Variants in SYT1 observed in about 807,000 individuals in gnomAD.
SYT1 encodes synaptotagmin-1.
SYT1 carries 8 observed loss-of-function variants against 44.8 expected under a neutral mutation model. That is an observed-to-expected ratio of 0.18 (90% CI 0.10 to 0.32). The LOEUF (loss-of-function observed/expected upper bound fraction) is 0.32, where lower values mean the gene tolerates loss of function less well. SYT1 is among the 10% of genes least tolerant of loss of function. SYT1 has a pLI of 1.00. For synonymous variants in SYT1, 154 were observed against 188.8 expected (o/e 0.82, Z 1.51); for missense variants, 286 against 509.3 (o/e 0.56, Z 4.22).
At chr12:79,128,018 G>T (rs1486816268) in intron 3 of SYT1, among the ~76,000 whole-genome samples, 1 of 152,140 alleles carries the variant, frequency 6.6e-6, no homozygotes, top group Non-Finnish European at 1.5e-5. Flanking sequence ...TAGATGAGTG[G>T]ATAAGTAGGT....
At chr12:79,419,357 C>A (rs111558375) in intron 9 of SYT1, 5 of 470,568 alleles carry the variant, frequency 1.1e-5, no homozygotes. Flanking sequence ...TCTTCTCCTT[C>A]CACTGCACCC....
chr12:78,889,678 A>C (rs1237250496), intron 1 of SYT1, among the ~76,000 whole-genome samples: 4 of 147,590 alleles, frequency 2.7e-5, no homozygotes, highest in African/African-American at 5.1e-5. Context: ...AAAGAAAGAA[A>C]GGTTATTGAA....
chr12:79,142,713 T>C (rs1469469287), intron 3 of SYT1, among the ~76,000 whole-genome samples: 2 of 152,206 alleles, frequency 1.3e-5, no homozygotes, highest in Non-Finnish European at 2.9e-5. Context: ...CTCTCATTTG[T>C]CTTTTGAGCA....
At chr12:79,265,175 A>G (rs1758917756) in intron 4 of SYT1, among the ~76,000 whole-genome samples, 1 of 152,154 alleles carries the variant, frequency 6.6e-6, no homozygotes, top group Admixed American at 6.5e-5. Context: ...AGTACTTTAC[A>G]TATTATAAAT....
At chr12:79,121,081 A>G (rs1325964589) in intron 3 of SYT1, among the ~76,000 whole-genome samples, 2 of 152,046 alleles carry the variant, frequency 1.3e-5, no homozygotes, top group African/African-American at 4.8e-5. Flanking sequence ...TCACATACAT[A>G]TATGTAACCT....
Position 79,285,808 on chromosome 12 carries a change from C to T in SYT1, c.188C>T (p.Ala63Val). The stretch of plus-strand genomic sequence containing the variant: ...TCAGTGCCACCGTGGGCCTTAATTG[C>T]AATAGCCATAGTCGCAGTCCTTTTA... ...KIPLPPWALIAIAIVAVLLVL... is the reference protein window; with the variant it reads ...KIPLPPWALIVIAIVAVLLVL... Residue 63 changes from alanine (A) to valine (V), a missense_variant, in exon 5 of 11, where the codon GCA becomes GTA. Physicochemically the swap from Ala to Val is moderately conservative, Grantham distance 64. This residue lies in a region of SYT1 where 141 missense variants were observed against 165.7 expected (regional missense o/e 0.85). Transcript: ENST00000261205. The T allele has an allele frequency of 6.2e-7, 1 of 1,608,286 alleles. No homozygotes were observed.
At chr12:79,142,737 C>T (rs931785422) in intron 3 of SYT1, among the ~76,000 whole-genome samples, 3 of 152,180 alleles carry the variant, frequency 2.0e-5, no homozygotes, top group Non-Finnish European at 2.9e-5. Flanking sequence ...AATAAAATAG[C>T]TATCATTGCT....
rs1342540857 is a variant in SYT1 at position 78,876,787 on chromosome 12, A to T, written c.-217+11678A>T. On this transcript the variant is annotated intron_variant, in intron 1 of 10. Coordinates refer to ENST00000261205, the MANE Select transcript of SYT1 (RefSeq NM_005639.3). ...ATATTATATATTTATATATTATATA[A>T]TACATATAATATATTATATGTAATA... Among the ~76,000 whole-genome samples, 231 of 62,154 alleles carry T rather than the reference A, an allele frequency of 3.7e-3. 1 individual carries two copies. The highest frequency in any genetic ancestry group is 0.013 in the African/African-American group (157 of 11,744). The allele number at this position is 62,154 out of a possible 152,430, so 40.8% of individuals were successfully genotyped here.
chr12:78,945,492 A>ATTTC (rs1565730556), intron 1 of SYT1, among the ~76,000 whole-genome samples: 4 of 147,710 alleles, frequency 2.7e-5, no homozygotes, highest in South Asian at 4.3e-4. Context: ...ATATATACAC[A>ATTTC]TTTCTTTCTT....
intron 3 of SYT1, among the ~76,000 whole-genome samples, chr12:79,171,489 T>C (rs934354538): frequency 3.9e-5 from 6 of 152,006 alleles, no homozygotes; most frequent in African/African-American, 1.4e-4. Flanking sequence ...TGATTCTTGC[T>C]CCTACTAAAT....
At chr12:78,873,671 A>AT (rs1272476600) in intron 1 of SYT1, among the ~76,000 whole-genome samples, 1 of 151,642 alleles carries the variant, frequency 6.6e-6, no homozygotes, top group Admixed American at 6.6e-5. Context: ...ATCTCTTATT[A>AT]TTCTCCTCAT....
At position 79,355,110 on chromosome 12, in the gene SYT1, G is replaced by T. The variant is rs577453762; in HGVS notation, c.928+1491G>T. On this transcript the variant is annotated intron_variant, in intron 9 of 10. Coordinates refer to ENST00000261205, the MANE Select transcript of SYT1 (RefSeq NM_005639.3). ...AACCACGAGTTGTTCATCCCAGTTT[G>T]CTGTCTGTTTCCACTAGGACTTCTC... Among the ~76,000 whole-genome samples the T allele has an allele frequency of 1.9e-4, 29 of 152,262 alleles. No individual in the cohort carries two copies. The South Asian group carries it at 5.6e-3, about 29-fold the overall frequency.
chr12:79,288,642 T>G (rs1879426967), intron 5 of SYT1, among the ~76,000 whole-genome samples: 1 of 152,192 alleles, frequency 6.6e-6, no homozygotes, highest in Non-Finnish European at 1.5e-5. Flanking sequence ...AGATATATAT[T>G]TATGTGTTCT....
chr12:79,435,427 C>T (rs771598036), intron 9 of SYT1, among the ~76,000 whole-genome samples: 2 of 152,174 alleles, frequency 1.3e-5, no homozygotes, highest in Non-Finnish European at 2.9e-5. Flanking sequence ...CCTCTGCCTC[C>T]CTAAGAGCTG....
chr12:78,994,298 CATT>C (rs1032465719), intron 2 of SYT1, among the ~76,000 whole-genome samples: 1 of 152,082 alleles, frequency 6.6e-6, no homozygotes, highest in South Asian at 2.1e-4. Context: ...ATAAATAAAA[CATT>C]AGTTGTTCTC....
chr12:79,131,062 C>CT (rs1220019528), intron 3 of SYT1, among the ~76,000 whole-genome samples: 1 of 150,060 alleles, frequency 6.7e-6, no homozygotes, highest in African/African-American at 2.4e-5. Flanking sequence ...TACTCAATTT[C>CT]TTTTTTTTAA....
intron 3 of SYT1, among the ~76,000 whole-genome samples, chr12:79,179,513 ATATATC>A (rs1348507194): frequency 0.036 from 3,492 of 97,218 alleles, 124 homozygotes; most frequent in East Asian, 0.11. Flanking sequence ...ATAGATATAG[ATATATC>A]TATATAGATA....
chr12:79,046,556 G>A (rs1370840472), intron 2 of SYT1: 1 of 152,002 alleles, frequency 6.6e-6, no homozygotes, highest in Non-Finnish European at 1.5e-5. Flanking sequence ...AATTCTTAAT[G>A]TTGCCTCTTG....
intron 3 of SYT1, among the ~76,000 whole-genome samples, chr12:79,212,597 T>G (rs73343600): frequency 0.015 from 2,312 of 152,316 alleles, 63 homozygotes; most frequent in African/African-American, 0.053. Context: ...AATTGTCTAT[T>G]CAATAATATT....
Sources: gnomAD v4.1 joint callset for allele counts (sites outside exome capture counted in the v4.1 genomes callset) on GRCh38, gnomAD v4.1.1 for gene constraint, gnomAD v4.1.1 regional missense constraint, MANE v1.5 for transcripts, NCBI Gene and HGNC (gene_info 2026-07-23, HGNC 2026-07-21) for gene names.